FEM1C: variants seen among roughly 807,000 people sequenced by gnomAD.
The protein encoded by FEM1C is protein fem-1 homolog C.
Under a neutral mutation model 37.6 loss-of-function variants are expected in FEM1C, and 15 were observed. That is an observed-to-expected ratio of 0.40 (90% confidence interval 0.27 to 0.61). The LOEUF is 0.61. FEM1C is among the 20% of genes least tolerant of loss of function. The pLI is 0.42. For missense variants in FEM1C, 532 were observed against 749.7 expected (o/e 0.71, Z 3.39); for synonymous variants, 287 against 272.8 (o/e 1.05, Z -0.51).
intron 2 of FEM1C, among the ~76,000 whole-genome samples, chr5:115,539,018 A>C (rs921222332): frequency 4.6e-5 from 7 of 152,056 alleles, no homozygotes; most frequent in Admixed American, 2.0e-4. Context: ...CTATTCCTTC[A>C]GAAGTTAAAA....
intron 2 of FEM1C, among the ~76,000 whole-genome samples, chr5:115,540,432 G>T (rs1754216473): frequency 6.6e-6 from 1 of 152,038 alleles, no homozygotes; most frequent in Non-Finnish European, 1.5e-5. Context: ...TTTTTGGCAT[G>T]AAATTGTTTT....
chr5:115,543,070 A>C lies in FEM1C; in HGVS notation c.424T>G (p.Leu142Val). 1 of 1,614,240 alleles carries C rather than the reference A, an allele frequency of 6.2e-7. No individual in the cohort carries two copies. The highest frequency in any genetic ancestry group is 8.5e-7 in the Non-Finnish European group (1 of 1,180,040). The change falls in exon 2 of 3, where the codon TTG becomes GTG. Residue 142 changes from leucine (L) to valine (V), a missense_variant. Coordinates refer to ENST00000274457, the MANE Select transcript of FEM1C (RefSeq NM_020177.3). ...VKYLVEHKAD[L>V]EVSNRHGHTC... ...TGCCCATGTCGGTTTGACACTTCCA[A>C]ATCAGCTTTGTGTTCTACAAGGTAC...
chr5:115,525,505 G>A lies in FEM1C; in HGVS notation c.657C>T (p.Leu219=). ...TTGTGTGACCAGTCACACTTGCTGA[G>A]AGAAGGGGAGTCATTCCATAACCAT... is the stretch of plus-strand genomic sequence containing the variant. ...EKDGYGMTPL[L]SASVTGHTNI... Residue 219 remains leucine (L), a synonymous_variant, in exon 3 of 3, where the codon CTC becomes CTT. Transcript: ENST00000274457. 1 of 1,613,634 alleles carries A rather than the reference G, an allele frequency of 6.2e-7. No homozygotes were observed. The highest frequency in any genetic ancestry group is 8.5e-7 in the Non-Finnish European group (1 of 1,179,768).
Position 115,524,468 on chromosome 5 carries a change from C to A in FEM1C, c.1694G>T (p.Ser565Ile). Reference protein sequence around the residue: ...DATNLHKQTASDLLDEKEIAK... With the variant: ...DATNLHKQTAIDLLDEKEIAK... ...TATTTCCTTCTCATCCAGCAAGTCA[C>A]TAGCAGTTTGTTTGTGCAAGTTTGT... Residue 565 changes from serine (S) to isoleucine (I), a missense_variant, in exon 3 of 3, where the codon AGT becomes ATT. Physicochemically the swap from Ser to Ile is moderately radical, Grantham distance 142. This residue lies in a region of FEM1C where 237 missense variants were observed against 260.5 expected (regional missense o/e 0.91). Coordinates refer to ENST00000274457, the MANE Select transcript of FEM1C (RefSeq NM_020177.3). 1 of 1,613,044 alleles carries A rather than the reference C, an allele frequency of 6.2e-7. No homozygotes were observed. The highest frequency in any genetic ancestry group is 2.2e-5 in the East Asian group (1 of 44,870).
At chr5:115,532,534 C>T (rs945664345) in intron 2 of FEM1C, among the ~76,000 whole-genome samples, 2 of 148,928 alleles carry the variant, frequency 1.3e-5, no homozygotes, top group African/African-American at 5.0e-5. Context: ...GCTTAGAAAA[C>T]AGAGGGGAAA....
chr5:115,543,270 T>C lies in FEM1C; in HGVS notation c.224A>G (p.Asn75Ser), dbSNP rs371258411. ...SASIEVGGSV[N>S]FDGETIEGAP... is the part of the protein sequence containing the mutation. ...CCCCTCAATGGTTTCGCCATCAAAA[T>C]TGACGGAGCCCCCAACTTCTATGGA... Residue 75 changes from asparagine (N) to serine (S), a missense_variant, in exon 2 of 3, where the codon AAT (asparagine) becomes AGT (serine). Physicochemically the swap from Asn to Ser is conservative, Grantham distance 46 (BLOSUM62 1). Around this residue, in one of 3 missense-constraint regions of FEM1C, gnomAD observed 221 missense variants for 404.1 expected, o/e 0.55. Transcript: ENST00000274457. 118 of 1,614,052 alleles carry C rather than the reference T, an allele frequency of 7.3e-5. No homozygotes were observed. The highest frequency in any genetic ancestry group is 9.2e-5 in the Non-Finnish European group (108 of 1,180,036).
Position 115,522,454 on chromosome 5 carries a change from C to A in FEM1C, c.*1854G>T, listed in dbSNP as rs1328156994. 6.6e-6 allele frequency: 1 copy of A among 151,854 alleles called. No homozygotes were observed. Among genetic ancestry groups the A allele is most frequent in the African/African-American group, 2.4e-5 (1 of 41,410 alleles). 9.4% of individuals were successfully genotyped at this position (151,854 alleles called of 1,614,324 possible). A position where few individuals can be genotyped will look rare whatever the true frequency, so the allele number is the denominator to read the frequency against. The stretch of plus-strand genomic sequence containing the variant: ...AAAGTTGGAGATCGTTCATTTATAT[C>A]CAATTTACCTTTTCTTAATGGTGAA... On this transcript the variant is annotated 3_prime_UTR_variant, in exon 3 of 3. Coordinates refer to ENST00000274457, the MANE Select transcript of FEM1C (RefSeq NM_020177.3).
rs762224568 is a variant in FEM1C at position 115,524,890 on chromosome 5, T to A, written c.1272A>T (p.Arg424=). 1 of 1,613,792 alleles carries A rather than the reference T, an allele frequency of 6.2e-7. No individual in the cohort carries two copies. The highest frequency in any genetic ancestry group is 1.1e-5 in the South Asian group (1 of 91,064). Residue 424 remains arginine (R), a synonymous_variant, in exon 3 of 3, where the codon CGA becomes CGT. Transcript: ENST00000274457. ...ILCKSVLEIE[R]AIKQTQCPAD... The stretch of plus-strand genomic sequence containing the variant: ...CTGGACACTGAGTTTGTTTGATAGC[T>A]CGCTCTATTTCAAGGACGCTTTTGC...
At chr5:115,542,551 C>A (rs571797109) in intron 2 of FEM1C, among the ~76,000 whole-genome samples, 1 of 132,114 alleles carries the variant, frequency 7.6e-6, no homozygotes, top group African/African-American at 3.1e-5. Flanking sequence ...AATTTCTACT[C>A]CAAGGTTGTT....
At chr5:115,543,805 CCA>C in intron 1 of FEM1C, 122 bp from the exon 2 acceptor site, 1 of 1,058,624 alleles carries the variant, frequency 9.4e-7, no homozygotes, top group Non-Finnish European at 1.1e-6. Context: ...CTACTCCATC[CCA>C]CACACCCCCC....
chr5:115,521,593 A>C lies in FEM1C; in HGVS notation c.*2715T>G, dbSNP rs1018689587. The stretch of plus-strand genomic sequence containing the variant: ...ATGATCAAAACAGTGGAACATCTAA[A>C]ATTCAGGAGGCCCCAAAAGGGCATT... On this transcript the variant is annotated 3_prime_UTR_variant, in exon 3 of 3. Transcript: ENST00000274457. 27 of 151,800 alleles carry C rather than the reference A, an allele frequency of 1.8e-4. No individual in the cohort carries two copies. The highest frequency in any genetic ancestry group is 6.0e-4 in the African/African-American group (25 of 41,402). 9.4% of individuals were successfully genotyped at this position (151,800 alleles called of 1,614,324 possible).
At chr5:115,537,206 C>T (rs943641352) in intron 2 of FEM1C, among the ~76,000 whole-genome samples, 3 of 152,008 alleles carry the variant, frequency 2.0e-5, no homozygotes, top group Admixed American at 6.6e-5. Flanking sequence ...GCTGCCTCAA[C>T]AGCATAAATC....
At chr5:115,527,292 T>C (rs1461614485) in intron 2 of FEM1C, among the ~76,000 whole-genome samples, 1 of 152,162 alleles carries the variant, frequency 6.6e-6, no homozygotes, top group African/African-American at 2.4e-5. Context: ...CAAATAAATC[T>C]ACTTTGTAAC....
intron 2 of FEM1C, among the ~76,000 whole-genome samples, chr5:115,534,602 T>G (rs1754085842): frequency 6.6e-6 from 1 of 151,934 alleles, no homozygotes; most frequent in Non-Finnish European, 1.5e-5. Flanking sequence ...TAAACCACCC[T>G]CACGGAGTAG....
chr5:115,538,084 T>C (rs751959345), intron 2 of FEM1C, among the ~76,000 whole-genome samples: 14 of 152,120 alleles, frequency 9.2e-5, no homozygotes, highest in East Asian at 7.7e-4. Context: ...TAAACTACTA[T>C]AGAAAACAAA....
intron 2 of FEM1C, among the ~76,000 whole-genome samples, chr5:115,526,609 A>G (rs1487801259): frequency 6.6e-6 from 1 of 152,182 alleles, no homozygotes; most frequent in African/African-American, 2.4e-5. Flanking sequence ...CTAATCGTCA[A>G]AATAGGAATT....
chr5:115,532,094 T>C (rs1034345648), intron 2 of FEM1C, among the ~76,000 whole-genome samples: 4 of 152,150 alleles, frequency 2.6e-5, no homozygotes, highest in Non-Finnish European at 4.4e-5. Flanking sequence ...AAAGAGGTTT[T>C]CCTGGTTTTA....
chr5:115,543,639 G>A lies in FEM1C; in HGVS notation c.-146C>T. On this transcript the variant is annotated 5_prime_UTR_variant, in exon 2 of 3. Coordinates refer to ENST00000274457, the MANE Select transcript of FEM1C (RefSeq NM_020177.3). ...ACGGATACACAACCACGAAGAGTAT[G>A]TTCCGTCCTACTGCTTTCCAACATC... 2 of 1,426,306 alleles carry A rather than the reference G, an allele frequency of 1.4e-6. No individual in the cohort carries two copies. The highest frequency in any genetic ancestry group is 1.8e-6 in the Non-Finnish European group (2 of 1,096,182). 88.4% of individuals were successfully genotyped at this position (1,426,306 alleles called of 1,614,324 possible).
chr5:115,538,608 C>T (rs115289236), intron 2 of FEM1C, among the ~76,000 whole-genome samples: 47 of 151,768 alleles, frequency 3.1e-4, no homozygotes, highest in African/African-American at 1.1e-3. Context: ...ATAAGTTTCT[C>T]TGAAAACAAA....
Sources: gnomAD v4.1 joint callset for allele counts (sites outside exome capture counted in the v4.1 genomes callset) on GRCh38, gnomAD v4.1.1 for gene constraint, gnomAD v4.1.1 regional missense constraint, MANE v1.5 for transcripts, NCBI Gene and HGNC (gene_info 2026-07-23, HGNC 2026-07-21) for gene names.